SSC5D: variants seen among roughly 807,000 people sequenced by gnomAD.
The protein encoded by SSC5D is soluble scavenger receptor cysteine-rich domain-containing protein SSC5D.
A neutral mutation model predicts 104.6 loss-of-function variants in SSC5D; 106 were observed. The observed-to-expected ratio is 1.01, with a 90% CI of 0.87 to 1.19. The LOEUF (loss-of-function observed/expected upper bound fraction) is 1.19, where lower values mean the gene tolerates loss of function less well. SSC5D is among the 50% of genes most tolerant of loss of function. The probability of loss-of-function intolerance (pLI) is 0.00; values close to 1 mark genes in which losing one functional copy is unlikely to be tolerated. For synonymous variants in SSC5D, 860 were observed against 883.5 expected, an observed-to-expected ratio of 0.97 and a Z score of 0.47; for missense variants, 1,993 against 2,153.8, an observed-to-expected ratio of 0.93 and a Z score of 1.48.
At position 55,498,116 on chromosome 19, in the gene SSC5D, G is replaced by C. The variant is rs1175910637; in HGVS notation, c.1624G>C (p.Ala542Pro). The change falls in exon 9 of 14, where the codon GCT (alanine) becomes CCT (proline). Residue 542 changes from alanine (A) to proline (P), a missense_variant. Ala to Pro is a conservative substitution (Grantham distance 27). Around this residue, in one of 6 missense-constraint regions of SSC5D, gnomAD observed 1,101 missense variants for 1,085.0 expected, o/e 1.01. Coordinates refer to ENST00000389623, the MANE Select transcript of SSC5D (RefSeq NM_001144950.2). ...LDDVGCVGTE[A>P]SLSDCPAAPW... ...TGATGTGGGCTGTGTGGGGACCGAG[G>C]CTTCACTGTCCGACTGCCCTGCTGC... The C allele has an allele frequency of 6.4e-7, 1 of 1,551,710 alleles. No individual in the cohort carries two copies. Among genetic ancestry groups the C allele is most frequent in the Non-Finnish European group, 8.7e-7 (1 of 1,146,988 alleles).
At chr19:55,504,051 G>C in intron 12 of SSC5D, 1 of 1,482,756 alleles carries the variant, frequency 6.7e-7, no homozygotes, top group African/African-American at 1.4e-5. Flanking sequence ...GCAGGCCCTA[G>C]AGGCGCCGTG....
intron 13 of SSC5D, 80 bp from the exon 14 acceptor site, chr19:55,517,144 C>T (rs1234290950): frequency 5.2e-6 from 7 of 1,334,132 alleles, no homozygotes; most frequent in African/African-American, 1.5e-5. Flanking sequence ...TTGGTCGGCT[C>T]CTCGAGGGGC....
Position 55,517,590 on chromosome 19 carries a change from C to G in SSC5D, c.3314C>G (p.Pro1105Arg). 6.4e-7 allele frequency: 1 copy of G among 1,551,662 alleles called. No homozygotes were observed. The highest frequency in any genetic ancestry group is 1.2e-5 in the South Asian group (1 of 84,050). Reference protein sequence around the residue: ...PKELTSDPSTPSEVTSLSPTS... With the variant: ...PKELTSDPSTRSEVTSLSPTS... ...GAGCTGACCTCTGACCCTTCTACAC[C>G]GTCGGAGGTGACCAGCCTTTCCCCT... The change falls in exon 14 of 14, where the codon CCG (proline) becomes CGG (arginine). Residue 1105 changes from proline (P) to arginine (R), a missense_variant. This residue lies in a region of SSC5D where 423 missense variants were observed against 409.2 expected (regional missense o/e 1.03). Coordinates refer to ENST00000389623, the MANE Select transcript of SSC5D (RefSeq NM_001144950.2).
chr19:55,517,321 G>C lies in SSC5D; in HGVS notation c.3045G>C (p.Pro1015=). The stretch of plus-strand genomic sequence containing the variant: ...CGTCCCCAGGTCCCTCCGCCTCTCC[G>C]GGACCCCCAGGCCCAGCGCTGACCT... The part of the protein sequence containing the change: ...PTPSPGPSAS[P]GPPGPALTSD... Residue 1015 remains proline (P), a synonymous_variant, in exon 14 of 14, where the codon CCG becomes CCC. Transcript: ENST00000389623. The C allele has an allele frequency of 6.5e-7, 1 of 1,549,654 alleles. No homozygotes were observed. Among genetic ancestry groups the C allele is most frequent in the Non-Finnish European group, 8.7e-7 (1 of 1,146,840 alleles).
rs1323991205 is a variant in SSC5D at position 55,514,611 on chromosome 19, AAAAG to A, written c.2947+1441_2947+1444del. Among the ~76,000 whole-genome samples the A allele has an allele frequency of 1.6e-3, 240 of 150,986 alleles. 4 individuals are homozygous for A. The highest frequency in any genetic ancestry group is 1.5e-3 in the Admixed American group (23 of 15,176). On this transcript the variant is annotated intron_variant, in intron 13 of 13. Transcript: ENST00000389623. Reference sequence around the variant, plus strand: ...GAAAGACTCTGTTAAAAAAAAAAAAAAAAGAGAGAGAGAGAAGAAGGGAGGAAGG... The same window carrying A: ...GAAAGACTCTGTTAAAAAAAAAAAAAAGAGAGAGAGAAGAAGGGAGGAAGG...
Position 55,494,641 on chromosome 19 carries a change from C to T in SSC5D, c.1245C>T (p.Ala415=). Residue 415 remains alanine (A), a synonymous_variant, in exon 8 of 14, where the codon GCC becomes GCT. Transcript: ENST00000389623. Reference sequence around the variant, plus strand: ...CCCTGGGCTACGTCCCTCCCACGGCCCCCACGGACAGCAACAACTCCACGC... The same window carrying T: ...CCCTGGGCTACGTCCCTCCCACGGCTCCCACGGACAGCAACAACTCCACGC... The part of the protein sequence containing the change: ...GMPLGYVPPT[A]PTDSNNSTPR... The T allele has an allele frequency of 6.5e-7, 1 of 1,545,232 alleles. No homozygotes were observed. Among genetic ancestry groups the T allele is most frequent in the Non-Finnish European group, 8.7e-7 (1 of 1,143,616 alleles).
At position 55,500,849 on chromosome 19, in the gene SSC5D, G is replaced by A; in HGVS notation, c.2617+45G>A. 1.3e-6 allele frequency: 2 copies of A among 1,526,594 alleles called. No individual in the cohort carries two copies. Among genetic ancestry groups the A allele is most frequent in the African/African-American group, 1.4e-5 (1 of 72,588 alleles). 94.6% of individuals were successfully genotyped at this position (1,526,594 alleles called of 1,614,324 possible). On this transcript the variant is annotated intron_variant, in intron 11 of 13. Coordinates refer to ENST00000389623, the MANE Select transcript of SSC5D (RefSeq NM_001144950.2). This position sits in a 1 kb window ranked among gnomAD's most constrained non-coding sequence, Gnocchi z 4.6. ...GTGGTGGGGTTGTCGGGGGTGGCCA[G>A]GAGAATGGAGTCAGGGTGGGGCCAG...
chr19:55,494,155 G>A (rs1178778324), intron 7 of SSC5D, among the ~76,000 whole-genome samples: 1 of 152,146 alleles, frequency 6.6e-6, no homozygotes, highest in Non-Finnish European at 1.5e-5. Context: ...TCACAGCTGG[G>A]GGTGGGGGTG....
At chr19:55,516,365 C>T (rs944065481) in intron 13 of SSC5D, among the ~76,000 whole-genome samples, 27 of 152,106 alleles carry the variant, frequency 1.8e-4, no homozygotes, top group African/African-American at 5.5e-4. Flanking sequence ...GGTGTGGTGG[C>T]GGGCGCCTGT....
At chr19:55,504,457 T>A in intron 12 of SSC5D, 5 of 539,026 alleles carry the variant, frequency 9.3e-6, no homozygotes, top group Non-Finnish European at 1.1e-5. Flanking sequence ...CTTGAAAAAG[T>A]GACTTGGTCT....
At position 55,500,290 on chromosome 19, in the gene SSC5D, A is replaced by G; in HGVS notation, c.2180A>G (p.Glu727Gly). 6.4e-7 allele frequency: 1 copy of G among 1,551,166 alleles called. No individual in the cohort carries two copies. Among genetic ancestry groups the G allele is most frequent in the East Asian group, 2.4e-5 (1 of 40,886 alleles). The change falls in exon 10 of 14, where the codon GAG becomes GGG. Residue 727 changes from glutamate to glycine, a missense_variant. Around this residue, in one of 6 missense-constraint regions of SSC5D, gnomAD observed 1,101 missense variants for 1,085.0 expected, o/e 1.01. Transcript: ENST00000389623. The surrounding 1 kb of genome is among the most constrained non-coding windows in gnomAD (Gnocchi z 4.6). The stretch of plus-strand genomic sequence containing the variant: ...CAAGGCCCCCAAGAAATGACCTCTG[A>G]GTCCACTATCAAGAGTATCCCTCAG... ...TTQGPQEMTSESTIKSIPQAS... is the reference protein window; with the variant it reads ...TTQGPQEMTSGSTIKSIPQAS...
intron 2 of SSC5D, 118 bp from the exon 3 acceptor site, chr19:55,489,236 G>A: frequency 8.3e-7 from 1 of 1,200,708 alleles, no homozygotes. Flanking sequence ...GGGCCAGTGA[G>A]CAGGGCCACT....
At position 55,490,404 on chromosome 19, in the gene SSC5D, C is replaced by A. The variant is rs1219521393; in HGVS notation, c.582C>A (p.Arg194=). The A allele has an allele frequency of 3.8e-6, 5 of 1,332,284 alleles. No homozygotes were observed. The highest frequency in any genetic ancestry group is 4.7e-5 in the Admixed American group (2 of 42,658). 82.5% of individuals were successfully genotyped at this position (1,332,284 alleles called of 1,614,324 possible). Reference sequence around the variant, plus strand: ...CTCTGCTGACGACAGGAGCCCCCCGCCAAGGTAAGCTCCCTGCAGGCTCCC... The same window carrying A: ...CTCTGCTGACGACAGGAGCCCCCCGACAAGGTAAGCTCCCTGCAGGCTCCC... The part of the protein sequence containing the change: ...RAPLLTTGAP[R]QERLRLVSGP... Residue 194 remains arginine, a synonymous_variant, in exon 5 of 14, where the codon CGC becomes CGA. Transcript: ENST00000389623.
At chr19:55,489,061 CGCCCCCCCCCCCAG>C in intron 2 of SSC5D, 29 bp downstream of exon 2, 1 of 911,672 alleles carries the variant, frequency 1.1e-6, no homozygotes, top group Non-Finnish European at 1.5e-6. Flanking sequence ...CCCATCTGCC[CGCCCCCCCCCCCAG>C]GCCTCCCCCT....
rs1458521829 is a variant in SSC5D at position 55,518,949 on chromosome 19, C to T, written c.4673C>T (p.Thr1558Ile). 1.9e-6 allele frequency: 3 copies of T among 1,550,422 alleles called. No homozygotes were observed. Among genetic ancestry groups the T allele is most frequent in the Admixed American group, 3.9e-5 (2 of 50,990 alleles). ...TGGACCACCAGCATGCCTGCACCAACCACCACTACCCCAGAGGAAGAAGAA... is the reference window on the plus strand; with the variant it reads ...TGGACCACCAGCATGCCTGCACCAATCACCACTACCCCAGAGGAAGAAGAA... Reference protein sequence around the residue: ...MAWTTSMPAPTTTTPEEEERP... With the variant: ...MAWTTSMPAPITTTPEEEERP... The change falls in exon 14 of 14, where the codon ACC becomes ATC. Residue 1558 changes from threonine (T) to isoleucine (I), a missense_variant. Coordinates refer to ENST00000389623, the MANE Select transcript of SSC5D (RefSeq NM_001144950.2).
chr19:55,495,235 T>A (rs67193326), intron 8 of SSC5D, among the ~76,000 whole-genome samples: 3,393 of 27,326 alleles, frequency 0.12, 420 homozygotes, highest in African/African-American at 0.26. Context: ...ATATATATAT[T>A]TTTTTTTTTT....
At position 55,518,166 on chromosome 19, in the gene SSC5D, CAACCCCTCACCCCACCAT is replaced by C; in HGVS notation, c.3891_3908del (p.His1300_Pro1305del). The C allele has an allele frequency of 2.1e-6, 3 of 1,440,278 alleles. No homozygotes were observed. The highest frequency in any genetic ancestry group is 2.8e-6 in the Non-Finnish European group (3 of 1,078,306). The allele number at this position is 1,440,278 out of a possible 1,614,324, so 89.2% of individuals were successfully genotyped here. A position where few individuals can be genotyped will look rare whatever the true frequency, so the allele number is the denominator to read the frequency against. On this transcript the variant is annotated inframe_deletion, in exon 14 of 14. Coordinates refer to ENST00000389623, the MANE Select transcript of SSC5D (RefSeq NM_001144950.2). ...CCCACCACAACCCCTCACCCCACCA[CAACCCCTCACCCCACCAT>C]GACTCCTGACCCCACCACGACCCCT...
rs1294560902 is a variant in SSC5D at position 55,513,133 on chromosome 19, C to T, written c.2908C>T (p.Pro970Ser). The change falls in exon 13 of 14, where the codon CCA (proline) becomes TCA (serine). Residue 970 changes from proline to serine, a missense_variant. Around this residue, in one of 6 missense-constraint regions of SSC5D, gnomAD observed 423 missense variants for 409.2 expected, o/e 1.03. Transcript: ENST00000389623. ...PTLGAGTTRS[P>S]GSPPTLRVHG... Reference sequence around the variant, plus strand: ...TCTTGGGGCTGGCACCACCAGGAGCCCAGGCAGTCCTCCAACTCTGAGAGT... The same window carrying T: ...TCTTGGGGCTGGCACCACCAGGAGCTCAGGCAGTCCTCCAACTCTGAGAGT... The T allele has an allele frequency of 3.3e-6, 5 of 1,535,318 alleles. No individual in the cohort carries two copies. The highest frequency in any genetic ancestry group is 4.4e-6 in the Non-Finnish European group (5 of 1,138,116).
In SSC5D at chr19:55,491,004, C is replaced by G. The variant is rs946817070; in HGVS notation, c.819C>G (p.Ala273=). 1.9e-6 allele frequency: 3 copies of G among 1,549,814 alleles called. No individual in the cohort carries two copies. The highest frequency in any genetic ancestry group is 2.7e-5 in the African/African-American group (2 of 73,026). The change falls in exon 6 of 14, where the codon GCC becomes GCG. Residue 273 remains alanine (A), a synonymous_variant. Coordinates refer to ENST00000389623, the MANE Select transcript of SSC5D (RefSeq NM_001144950.2). ...DDVGCGGGEQ[A]LRDCPRSPWG... ...TGGGGTGTGGAGGAGGAGAACAGGC[C>G]CTCCGAGACTGCCCCCGAAGCCCCT...
Sources: gnomAD v4.1 joint callset for allele counts (sites outside exome capture counted in the v4.1 genomes callset) on GRCh38, gnomAD v4.1.1 for gene constraint, gnomAD v4.1.1 regional missense constraint, Gnocchi (gnomAD v3.1) non-coding constraint, MANE v1.5 for transcripts, NCBI Gene and HGNC (gene_info 2026-07-23, HGNC 2026-07-21) for gene names.